Variants in BCAS4 observed in about 807,000 individuals in gnomAD.
BCAS4 encodes the protein breast carcinoma amplified sequence 4.
In BCAS4, 9 loss-of-function variants were observed where a neutral mutation model predicts 15.7. That is an observed-to-expected ratio of 0.57 (90% CI 0.34 to 1.00). BCAS4 has a LOEUF of 1.00. BCAS4 is among the 50% of genes least tolerant of loss of function. The pLI, the probability that BCAS4 is intolerant of heterozygous loss-of-function variation, is 0.02. For synonymous variants in BCAS4, 101 were observed against 99.5 expected (o/e 1.02, Z -0.09); for missense variants, 225 against 239.1 (o/e 0.94, Z 0.39).
intron 1 of BCAS4, among the ~76,000 whole-genome samples, chr20:50,805,450 A>T (rs1362601051): frequency 6.6e-6 from 1 of 152,220 alleles, no homozygotes; most frequent in Non-Finnish European, 1.5e-5. Flanking sequence ...GAGAATTTGC[A>T]TAAACATCTG....
intron 4 of BCAS4, among the ~76,000 whole-genome samples, 148 bp from the exon 5 acceptor site, chr20:50,876,330 CCGGCTTTG>C (rs146907797): frequency 0.071 from 10,795 of 152,136 alleles, 1,026 homozygotes; most frequent in African/African-American, 0.21. Context: ...CTTTGGGTGG[CCGGCTTTG>C]GCTGTCACAG....
At chr20:50,804,896 T>C (rs1223977485) in intron 1 of BCAS4, among the ~76,000 whole-genome samples, 1 of 152,174 alleles carries the variant, frequency 6.6e-6, no homozygotes, top group East Asian at 1.9e-4. Context: ...CTTCCTGGTT[T>C]GCAGTTCAAA....
chr20:50,811,368 G>GA (rs1238001602), intron 1 of BCAS4, among the ~76,000 whole-genome samples: 6 of 150,982 alleles, frequency 4.0e-5, no homozygotes, highest in African/African-American at 9.7e-5. Flanking sequence ...CTGTCTCTAA[G>GA]AAAAAAAAAT....
chr20:50,819,528 C>T (rs948921502), intron 2 of BCAS4, among the ~76,000 whole-genome samples: 6 of 152,160 alleles, frequency 3.9e-5, no homozygotes, highest in East Asian at 1.9e-4. Flanking sequence ...GTTCATTGAA[C>T]GCCTTTCTTT....
At chr20:50,807,838 A>G (rs2088010652) in intron 1 of BCAS4, among the ~76,000 whole-genome samples, 1 of 147,432 alleles carries the variant, frequency 6.8e-6, no homozygotes, top group Non-Finnish European at 1.5e-5. Context: ...AAATGCCATT[A>G]TTTCATTTCT....
intron 1 of BCAS4, among the ~76,000 whole-genome samples, chr20:50,798,702 C>T (rs903310692): frequency 2.0e-5 from 3 of 152,130 alleles, no homozygotes; most frequent in Non-Finnish European, 2.9e-5. Flanking sequence ...CCATGAGACG[C>T]GTGGCTGCCA....
chr20:50,870,519 C>T (rs369945733), intron 4 of BCAS4, among the ~76,000 whole-genome samples: 6 of 152,254 alleles, frequency 3.9e-5, no homozygotes, highest in Admixed American at 6.5e-5. Context: ...TGCGGATTGC[C>T]GGGGCCAACT....
chr20:50,842,098 C>T lies in BCAS4; in HGVS notation c.399+198C>T, dbSNP rs116620165. ...GCCCTGGGCTGTGACGGTTCGTGTG[C>T]TCATGTACCATTTATTGGGCGCCTA... is the stretch of plus-strand genomic sequence containing the variant. On this transcript the variant is annotated intron_variant, in intron 4 of 4. Transcript: ENST00000371608. 3.1e-3 allele frequency among the ~76,000 whole-genome samples: 471 copies of T among 152,300 alleles called. 3 individuals are homozygous for T. Among genetic ancestry groups the T allele is most frequent in the African/African-American group, 0.011 (450 of 41,572 alleles).
intron 1 of BCAS4, among the ~76,000 whole-genome samples, chr20:50,815,834 C>T (rs899826070): frequency 6.6e-6 from 1 of 152,066 alleles, no homozygotes; most frequent in African/African-American, 2.4e-5. Flanking sequence ...GTGCAGGGGG[C>T]AGGGACTAGG....
At chr20:50,828,929 C>A (rs142787137) in intron 2 of BCAS4, among the ~76,000 whole-genome samples, 14 of 152,326 alleles carry the variant, frequency 9.2e-5, no homozygotes, top group African/African-American at 3.4e-4. Context: ...AACAGCTCAT[C>A]CTCAGTATCC....
chr20:50,878,794 A>T (rs570415550), downstream of BCAS4: 2 of 152,292 alleles, frequency 1.3e-5, no homozygotes, highest in South Asian at 4.1e-4. Context: ...TTATTGAAGT[A>T]TAATTTATAT....
intron 1 of BCAS4, among the ~76,000 whole-genome samples, chr20:50,797,494 A>G (rs2087879524): frequency 6.6e-6 from 1 of 152,194 alleles, no homozygotes; most frequent in African/African-American, 2.4e-5. Context: ...CAGGAGTTCA[A>G]GACCAGTCTG....
At chr20:50,850,997 G>A (rs562235409) in intron 4 of BCAS4, among the ~76,000 whole-genome samples, 4 of 152,148 alleles carry the variant, frequency 2.6e-5, no homozygotes, top group South Asian at 2.1e-4. Context: ...CAGGCTCAGC[G>A]TGCTCCCCTC....
At chr20:50,823,380 A>G (rs1368637683) in intron 2 of BCAS4, among the ~76,000 whole-genome samples, 1 of 152,164 alleles carries the variant, frequency 6.6e-6, no homozygotes, top group African/African-American at 2.4e-5. Context: ...ATGATACTCC[A>G]AACTGGAAAC....
chr20:50,839,931 A>G (rs558981413), intron 3 of BCAS4, among the ~76,000 whole-genome samples: 127 of 152,370 alleles, frequency 8.3e-4, no homozygotes, highest in Non-Finnish European at 1.5e-3. Context: ...TCTAATCCAG[A>G]GAGTCTGATC....
intron 1 of BCAS4, among the ~76,000 whole-genome samples, chr20:50,805,489 G>C (rs1383238551): frequency 2.6e-5 from 4 of 152,146 alleles, no homozygotes; most frequent in Non-Finnish European, 4.4e-5. Flanking sequence ...ACAAAGCAGG[G>C]TTGGCATATC....
At chr20:50,811,098 G>A (rs577854992) in intron 1 of BCAS4, among the ~76,000 whole-genome samples, 11 of 152,312 alleles carry the variant, frequency 7.2e-5, no homozygotes, top group Middle Eastern at 3.4e-3. Context: ...TGTGGGTGGG[G>A]ACGAGCAACA....
chr20:50,830,330 G>A lies in BCAS4; in HGVS notation c.214G>A (p.Ala72Thr). ...ILEENIPVLK[A>T]KLTEMRGIYA... Reference sequence around the variant, plus strand: ...GGAGGAAAACATCCCAGTCCTTAAGGCCAAACTGACAGAAATGCGTGGCAT... The same window carrying A: ...GGAGGAAAACATCCCAGTCCTTAAGACCAAACTGACAGAAATGCGTGGCAT... Residue 72 changes from alanine to threonine, a missense_variant, in exon 3 of 5, where the codon GCC becomes ACC. Ala to Thr is a moderately conservative substitution (Grantham distance 58). Coordinates refer to ENST00000371608, the MANE Select transcript of BCAS4 (RefSeq NM_198799.4). The A allele has an allele frequency of 6.2e-7, 1 of 1,614,064 alleles. No individual in the cohort carries two copies. Among genetic ancestry groups the A allele is most frequent in the Non-Finnish European group, 8.5e-7 (1 of 1,179,968 alleles).
intron 1 of BCAS4, among the ~76,000 whole-genome samples, chr20:50,812,291 C>T (rs1471657381): frequency 6.6e-6 from 1 of 151,852 alleles, no homozygotes; most frequent in Non-Finnish European, 1.5e-5. Context: ...CACTACCACG[C>T]CCGGCTAATT....
Sources: gnomAD v4.1 joint callset for allele counts (sites outside exome capture counted in the v4.1 genomes callset) on GRCh38, gnomAD v4.1.1 for gene constraint, MANE v1.5 for transcripts, NCBI Gene and HGNC (gene_info 2026-07-23, HGNC 2026-07-21) for gene names.